The following LRP1B variants were observed in gnomAD, a reference collection of about 807,000 sequenced individuals.
LRP1B encodes LDL receptor related protein 1B, also known as low-density lipoprotein receptor-related protein 1B.
A neutral mutation model predicts 556.6 loss-of-function variants in LRP1B; 217 were observed. The observed-to-expected ratio is 0.39, with a 90% CI of 0.35 to 0.44. The LOEUF (loss-of-function observed/expected upper bound fraction) is 0.44. LRP1B is among the 20% of genes least tolerant of loss of function. The pLI is 1.00. For synonymous variants in LRP1B, 2,047 were observed against 1,865.8 expected, an observed-to-expected ratio of 1.10 and a Z score of -2.50; for missense variants, 5,053 against 5,620.8, an observed-to-expected ratio of 0.90 and a Z score of 3.23.
chr2:141,864,908 C>CAAAG (rs1455723704), intron 1 of LRP1B, among the ~76,000 whole-genome samples: 1 of 151,262 alleles, frequency 6.6e-6, no homozygotes. Flanking sequence ...AACAAACAAA[C>CAAAG]AAACAGAATG....
chr2:140,499,019 A>G (rs1434198238), intron 55 of LRP1B, among the ~76,000 whole-genome samples: 1 of 151,940 alleles, frequency 6.6e-6, no homozygotes, highest in Non-Finnish European at 1.5e-5. Context: ...CACCTTGTGA[A>G]GGATTAAATA....
chr2:141,338,964 T>C (rs1326065404), intron 3 of LRP1B, among the ~76,000 whole-genome samples: 1 of 152,120 alleles, frequency 6.6e-6, no homozygotes, highest in Non-Finnish European at 1.5e-5. Flanking sequence ...CAGCCTGCCA[T>C]TCATAGGATA....
intron 11 of LRP1B, among the ~76,000 whole-genome samples, chr2:141,032,023 A>G (rs1345603003): frequency 6.6e-6 from 1 of 152,062 alleles, no homozygotes; most frequent in Non-Finnish European, 1.5e-5. Context: ...CATGTTGTAC[A>G]AATTTTAAAA....
At chr2:141,607,156 CAAAA>C (rs10540068) in intron 2 of LRP1B, among the ~76,000 whole-genome samples, 17 of 148,524 alleles carry the variant, frequency 1.1e-4, no homozygotes, top group South Asian at 4.3e-4. Flanking sequence ...ATTACTTTGA[CAAAA>C]AAAAAAAAAC....
intron 11 of LRP1B, among the ~76,000 whole-genome samples, chr2:141,032,826 C>CATACATAT: frequency 3.9e-5 from 5 of 126,662 alleles, no homozygotes; most frequent in African/African-American, 1.2e-4. Context: ...TATATACATA[C>CATACATAT]ATATATATAT....
At position 141,188,708 on chromosome 2, in the gene LRP1B, A is replaced by T. The variant is rs1002749265; in HGVS notation, c.851-125T>A. ...CAAAAGTATAGACATTTTTATGAAAAGAAACTGCAAAGTCTCTTGCTATGC... is the reference window on the plus strand; with the variant it reads ...CAAAAGTATAGACATTTTTATGAAATGAAACTGCAAAGTCTCTTGCTATGC... On this transcript the variant is annotated intron_variant, in intron 6 of 90. Coordinates refer to ENST00000389484, the MANE Select transcript of LRP1B (RefSeq NM_018557.3). 1.1e-5 allele frequency: 8 copies of T among 745,552 alleles called. No homozygotes were observed. In the African/African-American group the frequency reaches 1.3e-4, roughly 12 times the overall value. The allele number at this position is 745,552 out of a possible 1,614,324, so 46.2% of individuals were successfully genotyped here.
intron 15 of LRP1B, among the ~76,000 whole-genome samples, chr2:141,004,217 G>T (rs1249411699): frequency 6.6e-6 from 1 of 152,044 alleles, no homozygotes; most frequent in Non-Finnish European, 1.5e-5. Context: ...TACATGGGGT[G>T]CTCAGATGTT....
intron 86 of LRP1B, among the ~76,000 whole-genome samples, chr2:140,248,195 A>T (rs1681251892): frequency 6.6e-6 from 1 of 151,796 alleles, no homozygotes; most frequent in South Asian, 2.1e-4. Flanking sequence ...ATTATTTGTG[A>T]TAGTCGTAAA....
chr2:140,335,940 G>T, intron 77 of LRP1B, 102 bp from the exon 78 acceptor site: 1 of 739,800 alleles, frequency 1.4e-6, no homozygotes, highest in Non-Finnish European at 2.4e-6. Flanking sequence ...TAAGAACATA[G>T]TCATGAGTTA....
intron 11 of LRP1B, among the ~76,000 whole-genome samples, chr2:141,027,698 A>G (rs925064471): frequency 1.3e-5 from 2 of 152,136 alleles, no homozygotes; most frequent in African/African-American, 4.8e-5. Flanking sequence ...TGAGGGCGCA[A>G]TGGACTAAAT....
chr2:140,289,052 C>A (rs1198946333), intron 84 of LRP1B, among the ~76,000 whole-genome samples: 1 of 151,894 alleles, frequency 6.6e-6, no homozygotes, highest in African/African-American at 2.4e-5. Flanking sequence ...ATGATGCCAA[C>A]AAGAGTAATT....
chr2:140,748,196 CATAT>C (rs1303867625), intron 35 of LRP1B, among the ~76,000 whole-genome samples: 5 of 99,702 alleles, frequency 5.0e-5, no homozygotes, highest in African/African-American at 1.9e-4. Context: ...TGTGTATATT[CATAT>C]ATATTATATT....
At chr2:141,775,318 TG>T (rs1295779968) in intron 2 of LRP1B, among the ~76,000 whole-genome samples, 1 of 152,240 alleles carries the variant, frequency 6.6e-6, no homozygotes, top group East Asian at 1.9e-4. Flanking sequence ...AATTGATTTT[TG>T]CCCTGTAGAA....
intron 20 of LRP1B, among the ~76,000 whole-genome samples, chr2:140,939,011 T>C (rs1253884491): frequency 1.3e-5 from 2 of 152,070 alleles, no homozygotes; most frequent in South Asian, 2.1e-4. Context: ...AATGATTACA[T>C]TGTACTAAGA....
At chr2:141,958,335 A>G (rs888423516) in intron 1 of LRP1B, among the ~76,000 whole-genome samples, 2 of 151,998 alleles carry the variant, frequency 1.3e-5, no homozygotes, top group African/African-American at 4.8e-5. Flanking sequence ...TTGCAGTGGC[A>G]CAAAATGCAA....
intron 41 of LRP1B, among the ~76,000 whole-genome samples, chr2:140,623,956 G>GTATGTATATATATATATATATATATATA (rs1553501210): frequency 9.4e-6 from 1 of 106,436 alleles, no homozygotes; most frequent in Non-Finnish European, 1.9e-5. Context: ...TTTTATTTAT[G>GTATGTATATATATATATATATATATATA]TATATATATA....
At chr2:141,110,316 C>T (rs2104963905) in intron 7 of LRP1B, among the ~76,000 whole-genome samples, 1 of 151,754 alleles carries the variant, frequency 6.6e-6, no homozygotes, top group South Asian at 2.1e-4. Context: ...TATATTAAGC[C>T]AAAAAAATGC....
chr2:141,682,839 C>T (rs1691153032), intron 2 of LRP1B, among the ~76,000 whole-genome samples: 2 of 152,092 alleles, frequency 1.3e-5, no homozygotes, highest in African/African-American at 4.8e-5. Context: ...GAAATCTCTT[C>T]CTTGTTTAAG....
chr2:140,650,330 TTTA>T (rs1684635733), intron 41 of LRP1B, among the ~76,000 whole-genome samples: 6 of 146,660 alleles, frequency 4.1e-5, no homozygotes, highest in Admixed American at 3.4e-4. Context: ...TATTTATTTA[TTTA>T]TTTATTTATT....
Sources: gnomAD v4.1 joint callset for allele counts (sites outside exome capture counted in the v4.1 genomes callset) on GRCh38, gnomAD v4.1.1 for gene constraint, MANE v1.5 for transcripts, NCBI Gene and HGNC (gene_info 2026-07-23, HGNC 2026-07-21) for gene names.